TMEM94: variants seen among roughly 807,000 people sequenced by gnomAD.
The protein encoded by TMEM94 is ER Mg2+ ATPase.
In TMEM94, 81 loss-of-function variants were observed where a neutral mutation model predicts 158.6. The observed-to-expected ratio is 0.51, with a 90% CI of 0.43 to 0.61. The LOEUF (loss-of-function observed/expected upper bound fraction) is 0.61. Ranked by LOEUF, TMEM94 falls within the 20% of genes least tolerant of loss-of-function variation. The probability of loss-of-function intolerance (pLI) is 0.00; values close to 1 mark genes in which losing one functional copy is unlikely to be tolerated. For synonymous variants in TMEM94, 751 were observed against 730.7 expected, an observed-to-expected ratio of 1.03 and a Z score of -0.45; for missense variants, 1,435 against 1,762.0, an observed-to-expected ratio of 0.81 and a Z score of 3.32.
intron 16 of TMEM94, 66 bp downstream of exon 16, chr17:75,493,168 C>T (rs913193184): frequency 1.4e-5 from 21 of 1,503,494 alleles, no homozygotes; most frequent in Non-Finnish European, 1.9e-5. Context: ...GGGGCTCTGC[C>T]CAGCCCCACC....
intron 1 of TMEM94, among the ~76,000 whole-genome samples, chr17:75,470,430 G>A (rs564526561): frequency 2.0e-5 from 3 of 152,116 alleles, no homozygotes; most frequent in Non-Finnish European, 4.4e-5. Context: ...GCCTGGCTGA[G>A]CATGGTGGCT....
intron 2 of TMEM94, among the ~76,000 whole-genome samples, chr17:75,473,009 C>T (rs2050554915): frequency 6.6e-6 from 1 of 152,178 alleles, no homozygotes. Flanking sequence ...ATCTCAATAT[C>T]CCTAGCTCAC....
In TMEM94 at chr17:75,498,137, G is replaced by A; in HGVS notation, c.3490-38G>A. On this transcript the variant is annotated intron_variant, in intron 27 of 31. Coordinates refer to ENST00000314256, the MANE Select transcript of TMEM94 (RefSeq NM_014738.6). This position sits in a 1 kb window ranked among gnomAD's most constrained non-coding sequence, Gnocchi z 6.7. Reference sequence around the variant, plus strand: ...AGAGCTAGGAGCAGCCGGCAGAGGGGCTGTGCGCCCCAGGAGTGACTGGCC... The same window carrying A: ...AGAGCTAGGAGCAGCCGGCAGAGGGACTGTGCGCCCCAGGAGTGACTGGCC... The A allele has an allele frequency of 6.2e-7, 1 of 1,609,420 alleles. No homozygotes were observed. Among genetic ancestry groups the A allele is most frequent in the Non-Finnish European group, 8.5e-7 (1 of 1,177,046 alleles).
Position 75,485,779 on chromosome 17 carries a change from C to G in TMEM94, c.145-92C>G. On this transcript the variant is annotated intron_variant, in intron 3 of 31. Transcript: ENST00000314256. The surrounding 1 kb of genome is among the most constrained non-coding windows in gnomAD (Gnocchi z 5.5). The stretch of plus-strand genomic sequence containing the variant: ...CGAGGTCAAAGAGAGGGGACCAAGG[C>G]GGCCATGGGGGCTGGGAAGGGTGCC... The G allele has an allele frequency of 6.8e-7, 1 of 1,465,628 alleles. No homozygotes were observed. Among genetic ancestry groups the G allele is most frequent in the Admixed American group, 2.3e-5 (1 of 44,094 alleles). 90.8% of individuals were successfully genotyped at this position (1,465,628 alleles called of 1,614,324 possible).
rs374093054 is a variant in TMEM94 at position 75,492,640 on chromosome 17, A to G, written c.1763A>G (p.Asn588Ser). 6 of 1,613,790 alleles carry G rather than the reference A, an allele frequency of 3.7e-6. No homozygotes were observed. In the African/African-American group the frequency reaches 8.0e-5, roughly 22 times the overall value. ...ACCTCCCTCAAACCCCTGGGCCTCA[A>G]TGTGCTGCTGAACCTGTGTGATGCC... ...HLTSLKPLGL[N>S]VLLNLCDASV... The change falls in exon 15 of 32, where the codon AAT (asparagine) becomes AGT (serine). Residue 588 changes from asparagine (N) to serine (S), a missense_variant. Transcript: ENST00000314256. The surrounding 1 kb of genome is among the most constrained non-coding windows in gnomAD (Gnocchi z 4.4).
chr17:75,489,117 A>T lies in TMEM94; in HGVS notation c.765-149A>T. ...CTCTGAGGGGACAGCTCTGGAGGTG[A>T]ACACGGGCTAGGGCCAGGGCAGAGC... On this transcript the variant is annotated intron_variant, in intron 7 of 31. Coordinates refer to ENST00000314256, the MANE Select transcript of TMEM94 (RefSeq NM_014738.6). The surrounding 1 kb of genome is among the most constrained non-coding windows in gnomAD (Gnocchi z 5.0). The T allele has an allele frequency of 2.2e-6, 2 of 909,652 alleles. No individual in the cohort carries two copies. Among genetic ancestry groups the T allele is most frequent in the South Asian group, 3.2e-5 (2 of 61,620 alleles). 56.3% of individuals were successfully genotyped at this position (909,652 alleles called of 1,614,324 possible). A position where few individuals can be genotyped will look rare whatever the true frequency, so the allele number is the denominator to read the frequency against.
At chr17:75,463,178 G>GTGTGTGTGTATATATATA (rs1180723796) in intron 1 of TMEM94, among the ~76,000 whole-genome samples, 1 of 15,080 alleles carries the variant, frequency 6.6e-5, no homozygotes, top group African/African-American at 1.7e-4. Flanking sequence ...GTGTGTGTGT[G>GTGTGTGTGTATATATATA]TATATATATA....
intron 26 of TMEM94, 29 bp downstream of exon 26, chr17:75,497,227 C>G: frequency 6.4e-7 from 1 of 1,566,240 alleles, no homozygotes; most frequent in Non-Finnish European, 8.8e-7. Flanking sequence ...TCCCCACACC[C>G]CATGCCTAAG....
In TMEM94 at chr17:75,485,031, C is replaced by CT. The variant is rs1451301559; in HGVS notation, c.25-396dup. Among the ~76,000 whole-genome samples, 2 of 147,380 alleles carry CT rather than the reference C, an allele frequency of 1.4e-5. No individual in the cohort carries two copies. The highest frequency in any genetic ancestry group is 3.0e-5 in the Non-Finnish European group (2 of 67,412). On this transcript the variant is annotated intron_variant, in intron 2 of 31. Transcript: ENST00000314256. This position sits in a 1 kb window ranked among gnomAD's most constrained non-coding sequence, Gnocchi z 5.5. ...CCAGCCTAGGAGACTAAGCAAGACT[C>CT]TATCTAAAAAAAAAAAAAAAAATTG...
intron 1 of TMEM94, among the ~76,000 whole-genome samples, chr17:75,466,852 C>T (rs2050323395): frequency 6.6e-6 from 1 of 151,952 alleles, no homozygotes; most frequent in Non-Finnish European, 1.5e-5. Flanking sequence ...GGATAATTGC[C>T]ATCTTAATAC....
intron 1 of TMEM94, among the ~76,000 whole-genome samples, chr17:75,467,028 G>A (rs534427411): frequency 6.8e-6 from 1 of 147,026 alleles, no homozygotes; most frequent in Admixed American, 6.8e-5. Context: ...AGGCTGGAGT[G>A]CAATGATGTG....
rs749812709 is a variant in TMEM94 at position 75,471,897 on chromosome 17, T to G, written c.-9T>G. Reference sequence around the variant, plus strand: ...ATTCATCTGGGCATGCCTGCAGTACTCTTGGCCCATGGACCTGAAGGAGAA... The same window carrying G: ...ATTCATCTGGGCATGCCTGCAGTACGCTTGGCCCATGGACCTGAAGGAGAA... On this transcript the variant is annotated 5_prime_UTR_variant, in exon 2 of 32. Transcript: ENST00000314256. The G allele has an allele frequency of 3.1e-6, 5 of 1,614,008 alleles. No individual in the cohort carries two copies. The South Asian group carries it at 5.5e-5, about 18-fold the overall frequency.
chr17:75,463,108 ATATATATGTATATATATACGTG>A (rs2050158955), intron 1 of TMEM94, among the ~76,000 whole-genome samples: 1 of 12,878 alleles, frequency 7.8e-5, no homozygotes, highest in East Asian at 6.2e-4. Flanking sequence ...ATATGTGTGT[ATATATATGTATATATATACGTG>A]TATATATGTA....
chr17:75,481,208 G>T (rs1388627382), intron 2 of TMEM94, among the ~76,000 whole-genome samples: 1 of 152,230 alleles, frequency 6.6e-6, no homozygotes, highest in Non-Finnish European at 1.5e-5. Flanking sequence ...TGGCCTCTTT[G>T]GGAGGCCTCA....
chr17:75,488,632 C>T (rs2051842405), intron 6 of TMEM94, 127 bp from the exon 7 acceptor site: 1 of 1,096,078 alleles, frequency 9.1e-7, no homozygotes, highest in Admixed American at 2.1e-5. Flanking sequence ...CAGGCCCTGT[C>T]CCAGTGGACT....
chr17:75,496,378 T>A lies in TMEM94; in HGVS notation c.3150T>A (p.Ser1050=), dbSNP rs1269702119. 1.2e-6 allele frequency: 2 copies of A among 1,614,002 alleles called. No individual in the cohort carries two copies. The highest frequency in any genetic ancestry group is 2.2e-5 in the South Asian group (2 of 91,086). The part of the protein sequence containing the change: ...ISMAQASDGL[S]PLQLSGQLNS... ...TGGCCCAGGCCTCGGATGGCCTTTC[T>A]CCCCTGCAGCTGTCAGGGCAGCTCA... Residue 1050 remains serine (S), a synonymous_variant, in exon 24 of 32, where the codon TCT becomes TCA. Transcript: ENST00000314256.
rs373276907 is a variant in TMEM94, at chr17:75,496,170, C to G, written c.3053+96C>G. On this transcript the variant is annotated intron_variant, in intron 23 of 31. Transcript: ENST00000314256. ...TGGGGCTGGGGGTGTGTACTATAGC[C>G]GACCTCGCCCTGGCTGGGACCAATG... 8.9e-4 allele frequency: 1,376 copies of G among 1,538,176 alleles called. 27 individuals are homozygous for G. In the South Asian group the frequency reaches 0.015, roughly 17 times the overall value.
chr17:75,497,406 T>G (rs956891657), intron 26 of TMEM94, among the ~76,000 whole-genome samples: 21 of 132,320 alleles, frequency 1.6e-4, no homozygotes, highest in Non-Finnish European at 1.8e-4. Context: ...CAGGCTGGAG[T>G]GCAATGGTGC....
Position 75,485,656 on chromosome 17 carries a change from A to G in TMEM94, c.144+109A>G. ...CCTGTCACCCTGGACAGTGTGACCC[A>G]ACTGAGGCCTCATGAAATATCAGAA... On this transcript the variant is annotated intron_variant, in intron 3 of 31. Transcript: ENST00000314256. The surrounding 1 kb of genome is among the most constrained non-coding windows in gnomAD (Gnocchi z 5.5). The G allele has an allele frequency of 6.8e-7, 1 of 1,469,246 alleles. No homozygotes were observed. The highest frequency in any genetic ancestry group is 9.4e-7 in the Non-Finnish European group (1 of 1,069,004). The allele number at this position is 1,469,246 out of a possible 1,614,324, so 91.0% of individuals were successfully genotyped here.
Sources: allele counts gnomAD v4.1 joint callset (sites outside exome capture counted in the v4.1 genomes callset), GRCh38; gene constraint gnomAD v4.1.1; non-coding constraint Gnocchi (gnomAD v3.1); transcripts MANE v1.5; gene names NCBI Gene and HGNC (gene_info 2026-07-23, HGNC 2026-07-21).